P3H2: variants seen among roughly 807,000 people sequenced by gnomAD.
The protein encoded by P3H2 is prolyl 3-hydroxylase 2.
In P3H2, 80 loss-of-function variants were observed where a neutral mutation model predicts 87.0. The observed-to-expected ratio is 0.92, with a 90% CI of 0.77 to 1.11. The LOEUF is 1.11. Among genes scored for constraint, P3H2 ranks in the 50% least tolerant of loss-of-function variants. The pLI is 0.00. For missense variants in P3H2, 1,001 were observed against 923.9 expected (o/e 1.08, Z -1.08); for synonymous variants, 367 against 359.3 (o/e 1.02, Z -0.24).
chr3:190,006,526 G>A (rs547761989), intron 1 of P3H2, among the ~76,000 whole-genome samples: 128 of 152,308 alleles, frequency 8.4e-4, no homozygotes, highest in Middle Eastern at 3.4e-3. Context: ...AATGTGACAG[G>A]ATCCTAATCT....
At chr3:190,060,905 C>T (rs971065579) in intron 1 of P3H2, among the ~76,000 whole-genome samples, 4 of 152,050 alleles carry the variant, frequency 2.6e-5, no homozygotes, top group African/African-American at 9.7e-5. Context: ...TAAGCACCTG[C>T]TTTATTTATT....
chr3:190,012,624 A>G (rs1178852750), intron 1 of P3H2, among the ~76,000 whole-genome samples: 2 of 151,988 alleles, frequency 1.3e-5, no homozygotes, highest in Non-Finnish European at 2.9e-5. Flanking sequence ...TCTTTGACTG[A>G]TTATTTCTCA....
At chr3:190,039,671 C>T (rs1329700750) in intron 1 of P3H2, among the ~76,000 whole-genome samples, 1 of 152,186 alleles carries the variant, frequency 6.6e-6, no homozygotes, top group Non-Finnish European at 1.5e-5. Context: ...AAAAGAAATG[C>T]CCACAAACTC....
intron 1 of P3H2, among the ~76,000 whole-genome samples, chr3:190,066,088 GT>G (rs1726489470): frequency 6.6e-6 from 1 of 150,886 alleles, no homozygotes; most frequent in Non-Finnish European, 1.5e-5. Flanking sequence ...TAATTTCAAT[GT>G]GGAACAGATC....
chr3:189,972,996 T>C lies in P3H2; in HGVS notation c.1577A>G (p.Lys526Arg). ...GATGTCATAAAACAGACGAGCGCTC[T>C]TCAGTGGGACTCGACCTTCATAACC... ...KSGYEGRVPL[K>R]SARLFYDISE... The change falls in exon 11 of 15, where the codon AAG (lysine) becomes AGG (arginine). Residue 526 changes from lysine to arginine, a missense_variant. By Grantham distance (26) the Lys-to-Arg change is conservative (BLOSUM62 2). Coordinates refer to ENST00000319332, the MANE Select transcript of P3H2 (RefSeq NM_018192.4). 6.2e-7 allele frequency: 1 copy of C among 1,613,266 alleles called. No individual in the cohort carries two copies. Among genetic ancestry groups the C allele is most frequent in the Non-Finnish European group, 8.5e-7 (1 of 1,179,854 alleles).
chr3:190,025,295 T>C (rs1335357585), intron 1 of P3H2, among the ~76,000 whole-genome samples: 2 of 152,204 alleles, frequency 1.3e-5, no homozygotes, highest in Non-Finnish European at 2.9e-5. Context: ...TCTTTTATTT[T>C]TCTCTTTCGC....
At position 190,061,439 on chromosome 3, in the gene P3H2, G is replaced by C. The variant is rs549939009; in HGVS notation, c.480+58813C>G. On this transcript the variant is annotated intron_variant, in intron 1 of 14. Coordinates refer to ENST00000319332, the MANE Select transcript of P3H2 (RefSeq NM_018192.4). The stretch of plus-strand genomic sequence containing the variant: ...TATGAAGGTGAAAGTGATAAAAATG[G>C]CTCAAGGAAGGGTCCAGAATTACAA... 4.6e-5 allele frequency among the ~76,000 whole-genome samples: 7 copies of C among 152,158 alleles called. No homozygotes were observed. In the South Asian group the frequency reaches 1.5e-3, roughly 32 times the overall value.
In P3H2 at chr3:190,052,179, T is replaced by C. The variant is rs139727797; in HGVS notation, c.481-56737A>G. Among the ~76,000 whole-genome samples the C allele has an allele frequency of 1.1e-4, 17 of 152,278 alleles. No homozygotes were observed. In the East Asian group the frequency reaches 3.3e-3, roughly 29 times the overall value. On this transcript the variant is annotated intron_variant, in intron 1 of 14. Coordinates refer to ENST00000319332, the MANE Select transcript of P3H2 (RefSeq NM_018192.4). Reference sequence around the variant, plus strand: ...TGGTGGTTTGCTACACCTATCAACCTGTCATTCAGGTTCTAAGTCCCGCAT... The same window carrying C: ...TGGTGGTTTGCTACACCTATCAACCCGTCATTCAGGTTCTAAGTCCCGCAT...
chr3:190,113,926 AG>A (rs1712171590), intron 1 of P3H2, among the ~76,000 whole-genome samples: 1 of 151,000 alleles, frequency 6.6e-6, no homozygotes. Flanking sequence ...AAATACAAAA[AG>A]AAATTAGCCG....
At chr3:190,106,886 G>C (rs373114457) in intron 1 of P3H2, among the ~76,000 whole-genome samples, 1 of 152,150 alleles carries the variant, frequency 6.6e-6, no homozygotes, top group African/African-American at 2.4e-5. Context: ...ATTGTTGAAA[G>C]AATTTGATGA....
intron 1 of P3H2, among the ~76,000 whole-genome samples, chr3:190,046,121 TCA>T: frequency 2.4e-5 from 1 of 42,548 alleles, no homozygotes. Flanking sequence ...AGACTCCATC[TCA>T]AAAAAAAAAA....
chr3:189,958,144 C>T (rs970840576), intron 14 of P3H2, 140 bp from the exon 15 acceptor site: 7 of 705,840 alleles, frequency 9.9e-6, no homozygotes, highest in Non-Finnish European at 1.8e-5. Flanking sequence ...ACCTCCTCTT[C>T]ATCCCCAGAC....
intron 6 of P3H2, among the ~76,000 whole-genome samples, chr3:189,986,538 G>A (rs757913371): frequency 2.6e-5 from 4 of 152,122 alleles, no homozygotes; most frequent in Non-Finnish European, 5.9e-5. Flanking sequence ...GCAGTGAGCC[G>A]AGATCACGCC....
intron 1 of P3H2, among the ~76,000 whole-genome samples, chr3:190,062,002 TTC>T (rs1726345911): frequency 6.6e-6 from 1 of 152,096 alleles, no homozygotes; most frequent in African/African-American, 2.4e-5. Context: ...TAGTTGGATT[TTC>T]TTTCTCCTCG....
At position 189,957,571 on chromosome 3, in the gene P3H2, T is replaced by G; in HGVS notation, c.*341A>C. The G allele has an allele frequency of 2.5e-6, 1 of 397,250 alleles. No individual in the cohort carries two copies. Among genetic ancestry groups the G allele is most frequent in the Non-Finnish European group, 4.5e-6 (1 of 221,362 alleles). The allele number at this position is 397,250 out of a possible 1,614,324, so 24.6% of individuals were successfully genotyped here. On this transcript the variant is annotated 3_prime_UTR_variant, in exon 15 of 15. Transcript: ENST00000319332. ...TGGGTGTGGTGGCACGTGCCTGTGG[T>G]CCCAGCTCCCCGGGAGGCTTGAAGG...
chr3:190,011,560 T>C (rs890587483), intron 1 of P3H2, among the ~76,000 whole-genome samples: 28 of 152,324 alleles, frequency 1.8e-4, no homozygotes, highest in African/African-American at 6.7e-4. Flanking sequence ...TCTGATATTA[T>C]TTTGATTAGC....
At chr3:190,091,833 TAAAG>T (rs934369202) in intron 1 of P3H2, among the ~76,000 whole-genome samples, 1 of 152,170 alleles carries the variant, frequency 6.6e-6, no homozygotes, top group Non-Finnish European at 1.5e-5. Context: ...GCTGAGATAT[TAAAG>T]AAAGGGAAGA....
chr3:190,076,907 C>G (rs1001153198), intron 1 of P3H2, among the ~76,000 whole-genome samples: 1 of 152,160 alleles, frequency 6.6e-6, no homozygotes, highest in African/African-American at 2.4e-5. Flanking sequence ...ACTCCTCCAG[C>G]TTAGTCTTTT....
chr3:189,985,920 T>A (rs187217163), intron 6 of P3H2, among the ~76,000 whole-genome samples: 2 of 152,288 alleles, frequency 1.3e-5, no homozygotes, highest in East Asian at 3.9e-4. Flanking sequence ...TTTAAAGCTA[T>A]ACAAATGTAG....
Sources: gnomAD v4.1 joint callset for allele counts (sites outside exome capture counted in the v4.1 genomes callset) on GRCh38, gnomAD v4.1.1 for gene constraint, MANE v1.5 for transcripts, NCBI Gene and HGNC (gene_info 2026-07-23, HGNC 2026-07-21) for gene names.